RIMS1: variants seen among roughly 807,000 people sequenced by gnomAD.
RIMS1 encodes the protein regulating synaptic membrane exocytosis 1, also known as regulating synaptic membrane exocytosis protein 1.
RIMS1 carries 83 observed loss-of-function variants against 214.1 expected under a neutral mutation model. The observed-to-expected ratio is 0.39, with a 90% CI of 0.32 to 0.47. The LOEUF (loss-of-function observed/expected upper bound fraction) is 0.47, where lower values mean the gene tolerates loss of function less well. RIMS1 is among the 20% of genes least tolerant of loss of function. RIMS1 has a pLI of 0.99. For synonymous variants in RIMS1, 793 were observed against 786.8 expected, an observed-to-expected ratio of 1.01 and a Z score of -0.13; for missense variants, 2,050 against 2,161.8, an observed-to-expected ratio of 0.95 and a Z score of 1.03.
intron 6 of RIMS1, among the ~76,000 whole-genome samples, chr6:72,221,611 G>T (rs2058460099): frequency 6.6e-6 from 1 of 151,884 alleles, no homozygotes; most frequent in Admixed American, 6.6e-5. Flanking sequence ...TGCTACTTAT[G>T]GTCTTGCCAG....
chr6:72,261,254 C>A, intron 19 of RIMS1: 1 of 1,002,186 alleles, frequency 1.0e-6, no homozygotes. Context: ...TAACAGTTCA[C>A]TTTTAATGGC....
At chr6:71,941,324 C>T (rs542398573) in intron 1 of RIMS1, among the ~76,000 whole-genome samples, 2 of 152,230 alleles carry the variant, frequency 1.3e-5, no homozygotes, top group South Asian at 4.1e-4. Flanking sequence ...ATTTATCTAT[C>T]CCATCTTTTG....
chr6:72,245,741 G>C lies in RIMS1; in HGVS notation c.2082-74G>C, dbSNP rs1012965808. 2.6e-6 allele frequency: 3 copies of C among 1,152,542 alleles called. No individual in the cohort carries two copies. In the African/African-American group the frequency reaches 4.6e-5, roughly 18 times the overall value. The allele number at this position is 1,152,542 out of a possible 1,614,324, so 71.4% of individuals were successfully genotyped here. A position where few individuals can be genotyped will look rare whatever the true frequency, so the allele number is the denominator to read the frequency against. On this transcript the variant is annotated intron_variant, in intron 10 of 33. Coordinates refer to ENST00000521978, the MANE Select transcript of RIMS1 (RefSeq NM_014989.7). ...GACCCAGCAGGATTTTTCACATCACGTATAATGGGCTATGATTGCCTCAGG... is the reference window on the plus strand; with the variant it reads ...GACCCAGCAGGATTTTTCACATCACCTATAATGGGCTATGATTGCCTCAGG...
chr6:72,358,847 A>G (rs2097729798), intron 29 of RIMS1, among the ~76,000 whole-genome samples: 1 of 152,178 alleles, frequency 6.6e-6, no homozygotes, highest in African/African-American at 2.4e-5. Flanking sequence ...GGCTCCAGCT[A>G]ACTACCTAGG....
At chr6:72,398,197 T>G in intron 31 of RIMS1, 52 bp from the exon 32 acceptor site, 1 of 1,148,466 alleles carries the variant, frequency 8.7e-7, no homozygotes, top group Non-Finnish European at 1.3e-6. Flanking sequence ...TTGTTTTAAC[T>G]GCACATAACT....
intron 1 of RIMS1, among the ~76,000 whole-genome samples, chr6:71,949,275 G>A (rs896524829): frequency 3.3e-5 from 5 of 152,072 alleles, no homozygotes; most frequent in African/African-American, 9.7e-5. Flanking sequence ...CTAAATTCCT[G>A]GTTCTGGGCA....
chr6:72,178,556 T>TA (rs1481243423), intron 4 of RIMS1, among the ~76,000 whole-genome samples: 16 of 152,130 alleles, frequency 1.1e-4, no homozygotes, highest in Admixed American at 8.5e-4. Context: ...CCTGTGGAGG[T>TA]AGTTTCTGAA....
chr6:72,013,423 G>A (rs1322756339), intron 2 of RIMS1, among the ~76,000 whole-genome samples: 2 of 152,132 alleles, frequency 1.3e-5, no homozygotes, highest in African/African-American at 2.4e-5. Flanking sequence ...AAATGCCATG[G>A]CTATGTAGAT....
intron 6 of RIMS1, among the ~76,000 whole-genome samples, chr6:72,204,038 CAG>C (rs1279244227): frequency 2.0e-5 from 3 of 152,126 alleles, no homozygotes; most frequent in African/African-American, 7.2e-5. Context: ...GAATAAAATA[CAG>C]AGTTATATGA....
chr6:72,344,767 G>C (rs1264079363), intron 29 of RIMS1, among the ~76,000 whole-genome samples: 1 of 151,710 alleles, frequency 6.6e-6, no homozygotes, highest in Non-Finnish European at 1.5e-5. Flanking sequence ...ATCTTCTAAA[G>C]AGATGCCCTA....
At position 72,112,925 on chromosome 6, in the gene RIMS1, T is replaced by A. The variant is rs1021722035; in HGVS notation, c.471+12939T>A. On this transcript the variant is annotated intron_variant, in intron 4 of 33. Coordinates refer to ENST00000521978, the MANE Select transcript of RIMS1 (RefSeq NM_014989.7). ...GCCACTCTAAATATGTGATGAATAT[T>A]GAGAAGTAAGTGTTTGACTTCTGAG... Among the ~76,000 whole-genome samples the A allele has an allele frequency of 5.3e-5, 8 of 152,154 alleles. No homozygotes were observed. In the East Asian group the frequency reaches 1.3e-3, roughly 26 times the overall value.
At chr6:72,247,318 C>G (rs2154126646) in intron 11 of RIMS1, among the ~76,000 whole-genome samples, 1 of 152,158 alleles carries the variant, frequency 6.6e-6, no homozygotes, top group Non-Finnish European at 1.5e-5. Context: ...GTGGGCGGAT[C>G]ACCTGAGGTC....
chr6:72,352,983 CTTT>C (rs70994123), intron 29 of RIMS1, among the ~76,000 whole-genome samples: 1 of 88,286 alleles, frequency 1.1e-5, no homozygotes, highest in Non-Finnish European at 2.1e-5. Context: ...ATTCTTTTTT[CTTT>C]TTTTTTTTTT....
At chr6:71,992,040 A>C (rs1312189136) in intron 2 of RIMS1, among the ~76,000 whole-genome samples, 1 of 152,182 alleles carries the variant, frequency 6.6e-6, no homozygotes, top group Admixed American at 6.5e-5. Context: ...CTCCAGCCTC[A>C]GCAACAAGAG....
chr6:72,353,784 A>G lies in RIMS1; in HGVS notation c.4366+19949A>G, dbSNP rs774485851. 1.8e-4 allele frequency among the ~76,000 whole-genome samples: 28 copies of G among 152,006 alleles called. 1 individual carries two copies. Among genetic ancestry groups the G allele is most frequent in the Non-Finnish European group, 3.2e-4 (22 of 68,000 alleles). On this transcript the variant is annotated intron_variant, in intron 29 of 33. Coordinates refer to ENST00000521978, the MANE Select transcript of RIMS1 (RefSeq NM_014989.7). ...AGGCATGTACATTTATATATCATTTACTCTTCCAGGTTGTTTTATCAACAC... is the reference window on the plus strand; with the variant it reads ...AGGCATGTACATTTATATATCATTTGCTCTTCCAGGTTGTTTTATCAACAC...
chr6:71,973,399 G>T (rs1316820405), intron 2 of RIMS1, among the ~76,000 whole-genome samples: 2 of 152,168 alleles, frequency 1.3e-5, no homozygotes, highest in African/African-American at 4.8e-5. Flanking sequence ...TCTCTCAACA[G>T]TGGCTATAAA....
At chr6:72,372,897 G>T (rs1017001940) in intron 29 of RIMS1, among the ~76,000 whole-genome samples, 1 of 152,234 alleles carries the variant, frequency 6.6e-6, no homozygotes, top group African/African-American at 2.4e-5. Context: ...GTAACAATGT[G>T]TGTGATTTCT....
intron 4 of RIMS1, 69 bp from the exon 5 acceptor site, chr6:72,179,506 T>C (rs1304450132): frequency 1.7e-6 from 2 of 1,194,070 alleles, no homozygotes; most frequent in East Asian, 2.5e-5. Context: ...CTTAAATATA[T>C]TTTAAGATAC....
At chr6:72,178,963 T>C (rs2048092565) in intron 4 of RIMS1, among the ~76,000 whole-genome samples, 1 of 152,224 alleles carries the variant, frequency 6.6e-6, no homozygotes, top group African/African-American at 2.4e-5. Flanking sequence ...AATATGTGCA[T>C]GGAAAATTAT....
Sources: gnomAD v4.1 joint callset for allele counts (sites outside exome capture counted in the v4.1 genomes callset) on GRCh38, gnomAD v4.1.1 for gene constraint, MANE v1.5 for transcripts, NCBI Gene and HGNC (gene_info 2026-07-23, HGNC 2026-07-21) for gene names.